The following FGD6 variants were observed in gnomAD, a reference collection of about 807,000 sequenced individuals.
FGD6 encodes the protein FYVE, RhoGEF and PH domain containing 6.
Under a neutral mutation model 149.4 loss-of-function variants are expected in FGD6, and 90 were observed. The observed-to-expected ratio is 0.60, with a 90% CI of 0.51 to 0.72. The LOEUF (loss-of-function observed/expected upper bound fraction) is 0.72. Ranked by LOEUF, FGD6 falls within the 30% of genes least tolerant of loss-of-function variation. The pLI is 0.00. For synonymous variants in FGD6, 527 were observed against 584.0 expected (o/e 0.90, Z 1.41); for missense variants, 1,437 against 1,684.8 (o/e 0.85, Z 2.57).
intron 14 of FGD6, among the ~76,000 whole-genome samples, chr12:95,102,461 A>AAAAAAAC (rs1565896312): frequency 6.6e-6 from 1 of 151,258 alleles, no homozygotes. Context: ...AAAAAAAAAA[A>AAAAAAAC]AAAAAACACA....
intron 8 of FGD6, among the ~76,000 whole-genome samples, chr12:95,127,523 A>G: frequency 6.6e-6 from 1 of 152,228 alleles, no homozygotes; most frequent in African/African-American, 2.4e-5. Flanking sequence ...CAGCCTGGGC[A>G]ACAGAGTTAG....
rs547789811 is a variant in FGD6, at chr12:95,077,289, G to A, written c.*4231C>T. ...AATGAGTAAGTTGTCCTTAGGGATA[G>A]AAGGTGCTAAGCATCATGCAAAAGA... On this transcript the variant is annotated 3_prime_UTR_variant, in exon 21 of 21. Transcript: ENST00000343958. 15 of 152,236 alleles carry A rather than the reference G, an allele frequency of 9.9e-5. No individual in the cohort carries two copies. The highest frequency in any genetic ancestry group is 2.6e-4 in the Admixed American group (4 of 15,268). 9.4% of individuals were successfully genotyped at this position (152,236 alleles called of 1,614,324 possible). A position where few individuals can be genotyped will look rare whatever the true frequency, so the allele number is the denominator to read the frequency against.
chr12:95,185,463 C>T (rs1422021204), intron 2 of FGD6, among the ~76,000 whole-genome samples: 3 of 152,106 alleles, frequency 2.0e-5, no homozygotes, highest in Non-Finnish European at 4.4e-5. Context: ...AAAAAAAATG[C>T]TCTTTCAGCC....
chr12:95,117,003 A>G, intron 8 of FGD6: 1 of 443,146 alleles, frequency 2.3e-6, no homozygotes, highest in Non-Finnish European at 4.5e-6. Flanking sequence ...CCAGGAAAGG[A>G]GACCAGACAG....
intron 11 of FGD6, 100 bp from the exon 12 acceptor site, chr12:95,107,731 C>T: frequency 5.7e-6 from 7 of 1,224,152 alleles, no homozygotes; most frequent in Non-Finnish European, 8.3e-6. Context: ...TTTTTCATGA[C>T]AGACTGGGGA....
chr12:95,212,195 CAT>C (rs1176607632), intron 1 of FGD6, among the ~76,000 whole-genome samples: 1 of 152,146 alleles, frequency 6.6e-6, no homozygotes, highest in Non-Finnish European at 1.5e-5. Context: ...TAAAAAGTCA[CAT>C]GTCTAGGTCC....
chr12:95,196,753 C>T (rs1481183073), intron 2 of FGD6, among the ~76,000 whole-genome samples: 1 of 151,930 alleles, frequency 6.6e-6, no homozygotes, highest in Non-Finnish European at 1.5e-5. Flanking sequence ...GATCTTCCCA[C>T]CTCAGCCTCC....
intron 20 of FGD6, among the ~76,000 whole-genome samples, chr12:95,083,317 AT>A: frequency 6.6e-6 from 1 of 151,298 alleles, no homozygotes; most frequent in Admixed American, 6.6e-5. Context: ...GCCTGGGTCA[AT>A]TCTAAATTAT....
chr12:95,146,039 A>C (rs976610596), intron 5 of FGD6, among the ~76,000 whole-genome samples: 1 of 152,120 alleles, frequency 6.6e-6, no homozygotes, highest in Admixed American at 6.6e-5. Flanking sequence ...AACAAGTGTC[A>C]CTGAATAATT....
intron 2 of FGD6, among the ~76,000 whole-genome samples, chr12:95,188,801 C>CT (rs35319794): frequency 0.25 from 36,021 of 146,630 alleles, 4,608 homozygotes; most frequent in African/African-American, 0.35. Flanking sequence ...TTAAAAACAA[C>CT]TTTTTTTTTT....
chr12:95,203,422 A>G (rs1439485564), intron 2 of FGD6, among the ~76,000 whole-genome samples: 3 of 152,114 alleles, frequency 2.0e-5, no homozygotes, highest in African/African-American at 7.2e-5. Flanking sequence ...TACCACTAAA[A>G]CTGCTCTCAC....
At chr12:95,172,815 C>T (rs1176322462) in intron 2 of FGD6, 71 bp from the exon 3 acceptor site, 14 of 1,263,868 alleles carry the variant, frequency 1.1e-5, no homozygotes, top group Non-Finnish European at 1.5e-5. Context: ...AAAACCAAAT[C>T]AACATCTTAT....
At chr12:95,099,257 C>A (rs1878342586) in intron 14 of FGD6, among the ~76,000 whole-genome samples, 1 of 152,174 alleles carries the variant, frequency 6.6e-6, no homozygotes, top group Admixed American at 6.5e-5. Context: ...ATATTCCTTA[C>A]TGAACGAAGG....
At position 95,085,825 on chromosome 12, in the gene FGD6, C is replaced by T. The variant is rs983473956; in HGVS notation, c.4062G>A (p.Trp1354Ter). The T allele has an allele frequency of 1.2e-6, 2 of 1,613,688 alleles. No individual in the cohort carries two copies. Among genetic ancestry groups the T allele is most frequent in the Non-Finnish European group, 1.7e-6 (2 of 1,179,914 alleles). Residue 1354 changes from tryptophan to a stop codon, truncating the protein, a stop_gained, in exon 19 of 21, where the codon TGG becomes TGA. Transcript: ENST00000343958. LOFTEE classifies it high-confidence loss of function. ...KGNKKPWKHF[W>*]FVIKNKVLYT... ...ATAGTACTTTATTTTTTATGACAAA[C>T]CAAAAGTGTTTCCAGGGTTTTTTAT...
At position 95,091,790 on chromosome 12, in the gene FGD6, G is replaced by A. The variant is rs1432005416; in HGVS notation, c.3767C>T (p.Ser1256Leu). Residue 1256 changes from serine (S) to leucine (L), a missense_variant, in exon 17 of 21, where the codon TCG (serine) becomes TTG (leucine). Around this residue, in one of 2 missense-constraint regions of FGD6, gnomAD observed 382 missense variants for 538.7 expected, o/e 0.71. Transcript: ENST00000343958. ...GTAATCTAAGCCATACTTATTAGAC[G>A]AACAAGCTTGGCATACAATCTGAAA... ...ACGKIVCQAC[S>L]SNKYGLDYLK... 2 of 1,612,092 alleles carry A rather than the reference G, an allele frequency of 1.2e-6. No individual in the cohort carries two copies. Among genetic ancestry groups the A allele is most frequent in the East Asian group, 2.2e-5 (1 of 44,768 alleles).
At chr12:95,084,227 G>A (rs1464879728) in intron 20 of FGD6, among the ~76,000 whole-genome samples, 1 of 152,198 alleles carries the variant, frequency 6.6e-6, no homozygotes, top group Non-Finnish European at 1.5e-5. Flanking sequence ...GCAGCATCAC[G>A]CTGCTTCCTC....
In FGD6 at chr12:95,084,577, C is replaced by T. The variant is rs3794255; in HGVS notation, c.4177G>A (p.Glu1393Lys). 4.5e-3 allele frequency: 7,221 copies of T among 1,606,604 alleles called. 384 individuals carry two copies. In the East Asian group the frequency reaches 0.13, roughly 29 times the overall value. ...TVIQVKDENS[E>K]SKVFQLLHKN... ...TGCAGTAACTGAAATACTTTAGACT[C>T]GGAATTCTCATCTTTAACTTGAATA... The change falls in exon 20 of 21, where the codon GAG becomes AAG. Residue 1393 changes from glutamate to lysine, a missense_variant. Coordinates refer to ENST00000343958, the MANE Select transcript of FGD6 (RefSeq NM_018351.4).
chr12:95,183,272 A>G (rs1881336100), intron 2 of FGD6, among the ~76,000 whole-genome samples: 1 of 152,190 alleles, frequency 6.6e-6, no homozygotes, highest in African/African-American at 2.4e-5. Context: ...CCTGCCAGTC[A>G]GCAGAGAGTC....
At chr12:95,187,430 AGATCATGAG>A (rs1881473186) in intron 2 of FGD6, among the ~76,000 whole-genome samples, 1 of 151,400 alleles carries the variant, frequency 6.6e-6, no homozygotes, top group South Asian at 2.1e-4. Flanking sequence ...TGAGGTGGGC[AGATCATGAG>A]GTCAGCAGAT....
Sources: allele counts gnomAD v4.1 joint callset (sites outside exome capture counted in the v4.1 genomes callset), GRCh38; gene constraint gnomAD v4.1.1; regional missense constraint gnomAD v4.1.1; transcripts MANE v1.5; gene names NCBI Gene and HGNC (gene_info 2026-07-23, HGNC 2026-07-21).